The following CNTNAP2 variants were observed in gnomAD, a reference collection of about 807,000 sequenced individuals.
The protein encoded by CNTNAP2 is contactin associated protein 2.
A neutral mutation model predicts 155.2 loss-of-function variants in CNTNAP2; 98 were observed. That is an observed-to-expected ratio of 0.63 (90% CI 0.54 to 0.75). The LOEUF (loss-of-function observed/expected upper bound fraction) is 0.75, where lower values mean the gene tolerates loss of function less well. Among genes scored for constraint, CNTNAP2 ranks in the 30% least tolerant of loss-of-function variants. The pLI is 0.00. For missense variants in CNTNAP2, 1,727 were observed against 1,688.1 expected (o/e 1.02, Z -0.40); for synonymous variants, 651 against 631.2 (o/e 1.03, Z -0.47).
At chr7:147,331,769 T>G (rs6977507) in intron 9 of CNTNAP2, among the ~76,000 whole-genome samples, 6 of 152,060 alleles carry the variant, frequency 3.9e-5, no homozygotes, top group Non-Finnish European at 7.4e-5. Context: ...GTTCTCCTTT[T>G]GGCCACTGGC....
chr7:148,388,135 T>C (rs1265445939), intron 22 of CNTNAP2, among the ~76,000 whole-genome samples: 3 of 152,100 alleles, frequency 2.0e-5, no homozygotes, highest in Non-Finnish European at 4.4e-5. Context: ...GTAGCTATTC[T>C]TTTATTCCTT....
chr7:147,438,454 A>G (rs1035262392), intron 10 of CNTNAP2, among the ~76,000 whole-genome samples: 1 of 151,920 alleles, frequency 6.6e-6, no homozygotes, highest in African/African-American at 2.4e-5. Context: ...TCAGGGATAA[A>G]TCCCCCTTAG....
intron 21 of CNTNAP2, among the ~76,000 whole-genome samples, chr7:148,349,463 G>A (rs1210648190): frequency 2.1e-5 from 3 of 145,556 alleles, no homozygotes; most frequent in Admixed American, 7.1e-5. Context: ...GTGCAGTGGC[G>A]CTATCTCGGC....
At chr7:146,638,813 G>A (rs1287530570) in intron 1 of CNTNAP2, among the ~76,000 whole-genome samples, 1 of 152,012 alleles carries the variant, frequency 6.6e-6, no homozygotes, top group Non-Finnish European at 1.5e-5. Context: ...GGAATGTTGT[G>A]AGAAATGTGA....
chr7:146,285,972 CCT>C (rs1305684393), intron 1 of CNTNAP2, among the ~76,000 whole-genome samples: 28 of 48,302 alleles, frequency 5.8e-4, no homozygotes, highest in Admixed American at 7.0e-4. Context: ...TTCCTTCCTT[CCT>C]TCTCTGTGTG....
chr7:148,366,896 G>A (rs568324272), intron 21 of CNTNAP2, among the ~76,000 whole-genome samples: 70 of 152,164 alleles, frequency 4.6e-4, no homozygotes, highest in Non-Finnish European at 7.8e-4. Context: ...TGTCTCCATA[G>A]CATGGCAAAA....
At chr7:147,166,118 T>C (rs1197620959) in intron 8 of CNTNAP2, among the ~76,000 whole-genome samples, 1 of 152,112 alleles carries the variant, frequency 6.6e-6, no homozygotes, top group African/African-American at 2.4e-5. Flanking sequence ...TGCAAAAATA[T>C]GGAACCAGCC....
At chr7:147,875,136 A>G (rs1799401020) in intron 13 of CNTNAP2, among the ~76,000 whole-genome samples, 1 of 152,136 alleles carries the variant, frequency 6.6e-6, no homozygotes, top group Non-Finnish European at 1.5e-5. Context: ...TTGCTTTCAC[A>G]TTTTTAGGTA....
chr7:147,169,677 C>T (rs935115127), intron 8 of CNTNAP2, among the ~76,000 whole-genome samples: 1 of 151,892 alleles, frequency 6.6e-6, no homozygotes, highest in Non-Finnish European at 1.5e-5. Flanking sequence ...GGAGGGAAAT[C>T]TAGAGGAATG....
At chr7:146,651,898 A>G (rs1032017369) in intron 1 of CNTNAP2, among the ~76,000 whole-genome samples, 1 of 152,154 alleles carries the variant, frequency 6.6e-6, no homozygotes, top group Non-Finnish European at 1.5e-5. Context: ...TTTTCAAGTA[A>G]CAGACTCAGA....
chr7:146,803,401 C>A (rs1802914665), intron 2 of CNTNAP2, among the ~76,000 whole-genome samples: 1 of 152,074 alleles, frequency 6.6e-6, no homozygotes, highest in African/African-American at 2.4e-5. Flanking sequence ...GGACTAGAGA[C>A]AAAAAGGGCT....
intron 1 of CNTNAP2, among the ~76,000 whole-genome samples, chr7:146,567,351 C>T (rs1798372891): frequency 1.3e-5 from 2 of 151,896 alleles, no homozygotes; most frequent in Non-Finnish European, 2.9e-5. Context: ...AATTAGTAGA[C>T]TATATGAATA....
At chr7:147,462,879 C>T (rs528041295) in intron 10 of CNTNAP2, among the ~76,000 whole-genome samples, 19 of 152,182 alleles carry the variant, frequency 1.2e-4, no homozygotes, top group African/African-American at 4.1e-4. Flanking sequence ...CCCGGGTTCA[C>T]GTGGGATACT....
intron 9 of CNTNAP2, among the ~76,000 whole-genome samples, chr7:147,311,046 A>G (rs1171796484): frequency 6.6e-6 from 1 of 152,204 alleles, no homozygotes; most frequent in Non-Finnish European, 1.5e-5. Flanking sequence ...GAACGTGGTC[A>G]GGTATCAAGG....
Position 147,992,081 on chromosome 7 carries a change from C to G in CNTNAP2, c.2383+14092C>G, listed in dbSNP as rs528180682. Among the ~76,000 whole-genome samples, 26 of 135,530 alleles carry G rather than the reference C, an allele frequency of 1.9e-4. No homozygotes were observed. In the East Asian group the frequency reaches 5.4e-3, roughly 28 times the overall value. The allele number at this position is 135,530 out of a possible 152,430, so 88.9% of individuals were successfully genotyped here. ...TTGTAAAAACATAAGATTTGTATTA[C>G]TACCTCTTTTTTTTTTTTTTTTTTT... On this transcript the variant is annotated intron_variant, in intron 15 of 23. Transcript: ENST00000361727.
intron 1 of CNTNAP2, among the ~76,000 whole-genome samples, chr7:146,707,506 T>C (rs1010686436): frequency 2.6e-5 from 4 of 152,128 alleles, no homozygotes; most frequent in Non-Finnish European, 4.4e-5. Flanking sequence ...TTTTTGTGGT[T>C]CTCTCTTAGA....
chr7:148,342,655 C>T (rs936793324), intron 21 of CNTNAP2, among the ~76,000 whole-genome samples: 2 of 152,166 alleles, frequency 1.3e-5, no homozygotes, highest in Non-Finnish European at 2.9e-5. Context: ...TGAAATTGAT[C>T]ATCATTTGGA....
intron 18 of CNTNAP2, among the ~76,000 whole-genome samples, chr7:148,204,418 G>C (rs1202301392): frequency 6.6e-6 from 1 of 152,050 alleles, no homozygotes; most frequent in Non-Finnish European, 1.5e-5. Context: ...GATATGTACT[G>C]CTTTTACAAT....
At chr7:148,209,669 T>A (rs762441123) in intron 18 of CNTNAP2, among the ~76,000 whole-genome samples, 6 of 152,224 alleles carry the variant, frequency 3.9e-5, no homozygotes, top group Admixed American at 6.5e-5. Context: ...TCTACCTATA[T>A]TCCCTCTTTT....
Sources: allele counts gnomAD v4.1 joint callset (sites outside exome capture counted in the v4.1 genomes callset), GRCh38; gene constraint gnomAD v4.1.1; transcripts MANE v1.5; gene names NCBI Gene and HGNC (gene_info 2026-07-23, HGNC 2026-07-21).